The following TMBIM4 variants were observed in gnomAD, a reference collection of about 807,000 sequenced individuals.
TMBIM4 encodes the protein transmembrane BAX inhibitor motif containing 4.
Under a neutral mutation model 27.7 loss-of-function variants are expected in TMBIM4, and 28 were observed. That is an observed-to-expected ratio of 1.01 (90% CI 0.75 to 1.38). The LOEUF is 1.38. Ranked by LOEUF, TMBIM4 falls within the 40% of genes most tolerant of loss-of-function variation. The pLI is 0.00. For missense variants in TMBIM4, 265 were observed against 277.5 expected, an observed-to-expected ratio of 0.95 and a Z score of 0.32; for synonymous variants, 115 against 113.1, an observed-to-expected ratio of 1.02 and a Z score of -0.11.
intron 5 of TMBIM4, among the ~76,000 whole-genome samples, chr12:66,144,933 A>G (rs1018220986): frequency 2.0e-5 from 3 of 152,196 alleles, no homozygotes; most frequent in African/African-American, 7.2e-5. Context: ...AAGAGAGATG[A>G]TACTGGAATT....
chr12:66,144,750 TAAAG>T (rs1049458648), intron 5 of TMBIM4: 2 of 152,172 alleles, frequency 1.3e-5, no homozygotes, highest in African/African-American at 2.4e-5. Flanking sequence ...ACTGAACACT[TAAAG>T]AAAGAAAATA....
chr12:66,155,576 C>T (rs1176186386), intron 1 of TMBIM4, among the ~76,000 whole-genome samples: 2 of 152,144 alleles, frequency 1.3e-5, no homozygotes, highest in African/African-American at 4.8e-5. Flanking sequence ...AAGTGATCCA[C>T]CCACCTTGGC....
intron 1 of TMBIM4, chr12:66,169,151 G>A (rs1592561123): frequency 1.6e-6 from 1 of 643,312 alleles, no homozygotes; most frequent in Non-Finnish European, 2.8e-6. Flanking sequence ...CAGGCTGAAA[G>A]TCTGGGGCTG....
chr12:66,147,838 CCTTTTTACCTGAAAGAT>C, intron 4 of TMBIM4, 53 bp downstream of exon 4: 1 of 1,296,974 alleles, frequency 7.7e-7, no homozygotes, highest in Non-Finnish European at 1.1e-6. Flanking sequence ...GCCCCAAATA[CCTTTTTACCTGAAAGAT>C]CTATCTACAT....
At position 66,153,795 on chromosome 12, in the gene TMBIM4, T is replaced by C. The variant is rs770242596; in HGVS notation, c.98-347A>G. Reference sequence around the variant, plus strand: ...AAAGCAGAACATTTTAAAAGAATGATTATATCTTGAATCTGAAAAGGAGAA... The same window carrying C: ...AAAGCAGAACATTTTAAAAGAATGACTATATCTTGAATCTGAAAAGGAGAA... On this transcript the variant is annotated intron_variant, in intron 1 of 6. Transcript: ENST00000358230. 1.1e-3 allele frequency among the ~76,000 whole-genome samples: 169 copies of C among 152,234 alleles called. 1 individual carries two copies. The highest frequency in any genetic ancestry group is 2.2e-3 in the Non-Finnish European group (151 of 67,958).
intron 4 of TMBIM4, among the ~76,000 whole-genome samples, chr12:66,147,172 C>T (rs550253310): frequency 1.3e-5 from 2 of 151,818 alleles, no homozygotes; most frequent in South Asian, 4.2e-4. Context: ...AAAGAGATTA[C>T]AAAAACATAC....
intron 1 of TMBIM4, 200 bp downstream of exon 1, chr12:66,169,655 G>C (rs1016469981): frequency 2.1e-6 from 1 of 471,808 alleles, no homozygotes; most frequent in Non-Finnish European, 3.7e-6. Context: ...ACACCCGCTA[G>C]GAGGGGAGGA....
rs1228607196 is a variant in TMBIM4 at position 66,145,887 on chromosome 12, C to G, written c.418G>C (p.Val140Leu). 5.6e-6 allele frequency: 9 copies of G among 1,609,112 alleles called. No homozygotes were observed. Among genetic ancestry groups the G allele is most frequent in the Non-Finnish European group, 7.7e-6 (9 of 1,176,200 alleles). ...TCCTTCTTAGATTGTAGAGTATACA[C>G]AGTCAAACCAAAAAATACTGTAGTA... ...LTTTVFFGLT[V>L]YTLQSKKDFS... The change falls in exon 5 of 7, where the codon GTG (valine) becomes CTG (leucine). Residue 140 changes from valine (V) to leucine (L), a missense_variant. Physicochemically the swap from Val to Leu is conservative, Grantham distance 32. Coordinates refer to ENST00000358230, the MANE Select transcript of TMBIM4 (RefSeq NM_016056.4).
intron 1 of TMBIM4, among the ~76,000 whole-genome samples, chr12:66,159,489 G>A (rs1330359102): frequency 6.6e-6 from 1 of 152,158 alleles, no homozygotes. Flanking sequence ...CTTGACTGGA[G>A]CCTCATGAGA....
rs929090133 is a variant in TMBIM4, at chr12:66,138,917, T to C, written c.465-148A>G. 8.0e-5 allele frequency: 91 copies of C among 1,136,792 alleles called. No homozygotes were observed. The South Asian group carries it at 1.1e-3, about 14-fold the overall frequency. The allele number at this position is 1,136,792 out of a possible 1,614,324, so 70.4% of individuals were successfully genotyped here. ...TAAGAATTTGTAAACATACAATGAA[T>C]ATAATGCCCATCTTGGATCTTTTTT... On this transcript the variant is annotated intron_variant, in intron 5 of 6. Transcript: ENST00000358230.
At chr12:66,138,355 T>G in intron 6 of TMBIM4, 189 bp from the exon 7 acceptor site, 7 of 818,442 alleles carry the variant, frequency 8.6e-6, no homozygotes, top group Non-Finnish European at 1.0e-5. Flanking sequence ...GAAGGATGAA[T>G]GAGTGGTTAT....
rs759325116 is a variant in TMBIM4 at position 66,137,919 on chromosome 12, AT to A, written c.*40del. The A allele has an allele frequency of 2.3e-5, 36 of 1,555,882 alleles. No individual in the cohort carries two copies. The highest frequency in any genetic ancestry group is 5.7e-5 in the South Asian group (5 of 87,966). On this transcript the variant is annotated 3_prime_UTR_variant, in exon 7 of 7. Transcript: ENST00000358230. ...TACTTTAATCCTTTTTTCTCATTAA[AT>A]TTTTTTTGTTGTTCTTCAGTTGAGC...
Position 66,136,514 on chromosome 12 carries a change from A to G in TMBIM4, c.*1446T>C, listed in dbSNP as rs189419140. Reference sequence around the variant, plus strand: ...CCAAAATTCACATGAAGAAATCCTAATCCCAGCACTTCAGAATGTGACTGT... The same window carrying G: ...CCAAAATTCACATGAAGAAATCCTAGTCCCAGCACTTCAGAATGTGACTGT... On this transcript the variant is annotated 3_prime_UTR_variant, in exon 7 of 7. Coordinates refer to ENST00000358230, the MANE Select transcript of TMBIM4 (RefSeq NM_016056.4). 86 of 154,280 alleles carry G rather than the reference A, an allele frequency of 5.6e-4. No homozygotes were observed. Among genetic ancestry groups the G allele is most frequent in the African/African-American group, 1.9e-3 (80 of 41,646 alleles). 9.6% of individuals were successfully genotyped at this position (154,280 alleles called of 1,614,324 possible). A position where few individuals can be genotyped will look rare whatever the true frequency, so the allele number is the denominator to read the frequency against.
At chr12:66,141,426 A>G (rs1358537584) in intron 5 of TMBIM4, among the ~76,000 whole-genome samples, 2 of 152,126 alleles carry the variant, frequency 1.3e-5, no homozygotes, top group African/African-American at 4.8e-5. Flanking sequence ...AGCAACCTCT[A>G]ATTAAAAGAA....
At chr12:66,145,312 A>C (rs919832999) in intron 5 of TMBIM4, 1 of 152,178 alleles carries the variant, frequency 6.6e-6, no homozygotes, top group Non-Finnish European at 1.5e-5. Context: ...GTGAGCTTAG[A>C]AAAGAGTCTA....
At chr12:66,149,306 G>A (rs1263881390) in intron 3 of TMBIM4, among the ~76,000 whole-genome samples, 1 of 151,816 alleles carries the variant, frequency 6.6e-6, no homozygotes, top group Non-Finnish European at 1.5e-5. Context: ...AGCCAAGGAT[G>A]GTGACATGCG....
intron 4 of TMBIM4, among the ~76,000 whole-genome samples, chr12:66,146,958 C>T (rs2051761952): frequency 6.6e-6 from 1 of 152,012 alleles, no homozygotes; most frequent in Non-Finnish European, 1.5e-5. Context: ...GTTTTTCTAC[C>T]CCCAATTCCA....
intron 4 of TMBIM4, among the ~76,000 whole-genome samples, chr12:66,147,308 T>C (rs1373185061): frequency 2.0e-5 from 3 of 152,168 alleles, no homozygotes; most frequent in Non-Finnish European, 4.4e-5. Context: ...CTGACCTTTT[T>C]GGTACTCAAG....
At position 66,169,928 on chromosome 12, in the gene TMBIM4, G is replaced by A. The variant is rs1488256536; in HGVS notation, c.24C>T (p.Tyr8=). 2.0e-6 allele frequency: 3 copies of A among 1,494,930 alleles called. No homozygotes were observed. Among genetic ancestry groups the A allele is most frequent in the Admixed American group, 5.2e-5 (2 of 38,770 alleles). The allele number at this position is 1,494,930 out of a possible 1,614,324, so 92.6% of individuals were successfully genotyped here. A position where few individuals can be genotyped will look rare whatever the true frequency, so the allele number is the denominator to read the frequency against. The change falls in exon 1 of 7, where the codon TAC becomes TAT. Residue 8 remains tyrosine (Y), a synonymous_variant. Transcript: ENST00000358230. MADPDPR[Y]PRSSIEDDFN... ...AGTCGTCCTCGATCGAGGAGCGAGG[G>A]TACCGGGGGTCGGGGTCAGCCATGA...
Sources: gnomAD v4.1 joint callset for allele counts (sites outside exome capture counted in the v4.1 genomes callset) on GRCh38, gnomAD v4.1.1 for gene constraint, MANE v1.5 for transcripts, NCBI Gene and HGNC (gene_info 2026-07-23, HGNC 2026-07-21) for gene names.